Variants in RIMKLB observed in about 807,000 individuals in gnomAD.
The protein encoded by RIMKLB is beta-citrylglutamate synthase B.
In RIMKLB, 7 loss-of-function variants were observed where a neutral mutation model predicts 32.0. That is an observed-to-expected ratio of 0.22 (90% CI 0.12 to 0.41). The LOEUF is 0.41. RIMKLB is among the 10% of genes least tolerant of loss of function. RIMKLB has a pLI of 1.00. For synonymous variants in RIMKLB, 172 were observed against 185.1 expected (o/e 0.93, Z 0.57); for missense variants, 289 against 498.7 (o/e 0.58, Z 4.00).
In RIMKLB at chr12:8,775,740, T is replaced by C. The variant is rs1489753156; in HGVS notation, c.*1956T>C. The C allele has an allele frequency of 1.0e-6, 1 of 985,118 alleles. No homozygotes were observed. Among genetic ancestry groups the C allele is most frequent in the Non-Finnish European group, 1.2e-6 (1 of 829,376 alleles). 61.0% of individuals were successfully genotyped at this position (985,118 alleles called of 1,614,324 possible). On this transcript the variant is annotated 3_prime_UTR_variant, in exon 6 of 6. Transcript: ENST00000535829. ...TTAAAATTGAGTGAAAGGTTGATTG[T>C]TGATGAATAGAATAGTACCTCTCAT...
intron 2 of RIMKLB, among the ~76,000 whole-genome samples, chr12:8,719,356 G>T (rs1054777400): frequency 7.2e-5 from 11 of 151,986 alleles, no homozygotes; most frequent in African/African-American, 2.7e-4. Context: ...AATTAAGCTG[G>T]GTTTTTTTGT....
At chr12:8,777,846 TTC>T (rs1950823975), downstream of RIMKLB, 4 of 344,482 alleles carry the variant, frequency 1.2e-5, no homozygotes, top group Middle Eastern at 8.9e-4. Context: ...TAGGCTAACT[TTC>T]TTTTTTTAAA....
At chr12:8,704,098 T>C (rs1321457608) in intron 1 of RIMKLB, among the ~76,000 whole-genome samples, 1 of 152,172 alleles carries the variant, frequency 6.6e-6, no homozygotes, top group Non-Finnish European at 1.5e-5. Flanking sequence ...GAAAGTGTTT[T>C]ATGGGTCGGA....
At chr12:8,695,861 T>C (rs1162740192), upstream of RIMKLB, among the ~76,000 whole-genome samples, 1 of 151,934 alleles carries the variant, frequency 6.6e-6, no homozygotes, top group Non-Finnish European at 1.5e-5. Context: ...GCCTGGCTAA[T>C]TTTGTATTTT....
chr12:8,751,528 A>G (rs773388376), intron 3 of RIMKLB, among the ~76,000 whole-genome samples: 6 of 152,314 alleles, frequency 3.9e-5, no homozygotes, highest in African/African-American at 1.4e-4. Flanking sequence ...GTTGATAATA[A>G]AAAGAGAATG....
chr12:8,713,302 A>G (rs774823970), intron 1 of RIMKLB, among the ~76,000 whole-genome samples: 30 of 149,940 alleles, frequency 2.0e-4, no homozygotes, highest in African/African-American at 6.8e-4. Flanking sequence ...GCTACTACCT[A>G]TTTTTTTTTT....
intron 2 of RIMKLB, among the ~76,000 whole-genome samples, chr12:8,724,350 T>C (rs1945774136): frequency 6.6e-6 from 1 of 152,236 alleles, no homozygotes; most frequent in Non-Finnish European, 1.5e-5. Flanking sequence ...AAAATTATTT[T>C]GAATTCTTTG....
chr12:8,727,632 C>T (rs367992450), intron 2 of RIMKLB, among the ~76,000 whole-genome samples: 1 of 152,120 alleles, frequency 6.6e-6, no homozygotes, highest in African/African-American at 2.4e-5. Flanking sequence ...TTTGGCCGGA[C>T]CTTGTTGGCT....
At chr12:8,728,638 G>A (rs1185353313) in intron 2 of RIMKLB, among the ~76,000 whole-genome samples, 2 of 151,948 alleles carry the variant, frequency 1.3e-5, no homozygotes, top group Non-Finnish European at 2.9e-5. Flanking sequence ...TGAGACAAGA[G>A]TTTCACTCTG....
Position 8,721,585 on chromosome 12 carries a change from C to G in RIMKLB, c.175+7544C>G, listed in dbSNP as rs374822722. On this transcript the variant is annotated intron_variant, in intron 2 of 5. Coordinates refer to ENST00000535829, the MANE Select transcript of RIMKLB (RefSeq NM_001297776.2). ...TTAATCCCGTCTCAGGCTACACTCTCAATTATAGCTCTCTTGCCATCTCCA... is the reference window on the plus strand; with the variant it reads ...TTAATCCCGTCTCAGGCTACACTCTGAATTATAGCTCTCTTGCCATCTCCA... 3.3e-5 allele frequency among the ~76,000 whole-genome samples: 5 copies of G among 152,316 alleles called. No homozygotes were observed. In the East Asian group the frequency reaches 5.8e-4, roughly 18 times the overall value.
chr12:8,698,777 C>A (rs968723420), intron 1 of RIMKLB, among the ~76,000 whole-genome samples: 1 of 151,604 alleles, frequency 6.6e-6, no homozygotes, highest in Non-Finnish European at 1.5e-5. Context: ...CCCGCAGCTA[C>A]TGTATTCGAT....
chr12:8,768,417 A>T (rs1484843000), intron 5 of RIMKLB, among the ~76,000 whole-genome samples: 1 of 152,228 alleles, frequency 6.6e-6, no homozygotes, highest in Non-Finnish European at 1.5e-5. Flanking sequence ...ATGATTTAAT[A>T]GAGTGAAAAC....
At chr12:8,730,195 C>T (rs981367447) in intron 2 of RIMKLB, among the ~76,000 whole-genome samples, 1 of 152,138 alleles carries the variant, frequency 6.6e-6, no homozygotes, top group Non-Finnish European at 1.5e-5. Flanking sequence ...AAGTGATTCT[C>T]CCACCTCAGC....
intron 2 of RIMKLB, among the ~76,000 whole-genome samples, chr12:8,719,637 A>G (rs2137063076): frequency 6.6e-6 from 1 of 152,206 alleles, no homozygotes; most frequent in South Asian, 2.1e-4. Context: ...CCAAGGTGCT[A>G]GGATTACAGG....
upstream of RIMKLB, among the ~76,000 whole-genome samples, chr12:8,693,001 C>CA (rs1224901970): frequency 6.6e-6 from 1 of 152,194 alleles, no homozygotes; most frequent in East Asian, 1.9e-4. Flanking sequence ...ATAACTATCT[C>CA]AAAGATTAAA....
intron 1 of RIMKLB, among the ~76,000 whole-genome samples, chr12:8,706,106 T>A (rs907938991): frequency 6.6e-6 from 1 of 152,192 alleles, no homozygotes. Context: ...ATATAGGTGC[T>A]GAAACATTTC....
chr12:8,739,051 T>C (rs1947264600), intron 2 of RIMKLB, among the ~76,000 whole-genome samples: 1 of 152,206 alleles, frequency 6.6e-6, no homozygotes, highest in Non-Finnish European at 1.5e-5. Flanking sequence ...CATTCCACCA[T>C]TCTGAAAGTC....
upstream of RIMKLB, among the ~76,000 whole-genome samples, chr12:8,692,871 G>A (rs182113819): frequency 7.5e-4 from 114 of 152,332 alleles, no homozygotes; most frequent in Non-Finnish European, 1.2e-3. Flanking sequence ...TGCCGCTACC[G>A]TTCCTTATTT....
intron 2 of RIMKLB, among the ~76,000 whole-genome samples, chr12:8,748,542 G>GTGTGTGTGTA (rs1247111049): frequency 3.6e-5 from 4 of 110,180 alleles, no homozygotes; most frequent in Non-Finnish European, 8.4e-5. Flanking sequence ...GTGTGTGTGT[G>GTGTGTGTGTA]TGTGTGTGTG....
Sources: gnomAD v4.1 joint callset for allele counts (sites outside exome capture counted in the v4.1 genomes callset) on GRCh38, gnomAD v4.1.1 for gene constraint, MANE v1.5 for transcripts, NCBI Gene and HGNC (gene_info 2026-07-23, HGNC 2026-07-21) for gene names.